THSD7B: variants seen among roughly 807,000 people sequenced by gnomAD.
The protein encoded by THSD7B is thrombospondin type-1 domain-containing protein 7B.
THSD7B carries 138 observed loss-of-function variants against 213.6 expected under a neutral mutation model. The observed-to-expected ratio is 0.65, with a 90% CI of 0.56 to 0.74. The LOEUF (loss-of-function observed/expected upper bound fraction) is 0.74. Ranked by LOEUF, THSD7B falls within the 30% of genes least tolerant of loss-of-function variation. The pLI is 0.00. For missense variants in THSD7B, 1,931 were observed against 1,991.5 expected (o/e 0.97, Z 0.58); for synonymous variants, 742 against 687.0 (o/e 1.08, Z -1.25).
intron 2 of THSD7B, among the ~76,000 whole-genome samples, chr2:136,934,697 A>G (rs1684691069): frequency 6.6e-6 from 1 of 152,182 alleles, no homozygotes; most frequent in African/African-American, 2.4e-5. Flanking sequence ...AAAATTTATT[A>G]CAAAAAGAAG....
chr2:137,646,001 A>C (rs919286066), intron 21 of THSD7B, among the ~76,000 whole-genome samples: 1 of 152,054 alleles, frequency 6.6e-6, no homozygotes, highest in Non-Finnish European at 1.5e-5. Flanking sequence ...CTTTTCTCCA[A>C]AAAAAATGCA....
Position 136,807,119 on chromosome 2 carries a change from T to C in THSD7B, c.-36+41432T>C, listed in dbSNP as rs190408136. Among the ~76,000 whole-genome samples, 65 of 152,290 alleles carry C rather than the reference T, an allele frequency of 4.3e-4. No individual in the cohort carries two copies. In the East Asian group the frequency reaches 9.3e-3, roughly 22 times the overall value. Reference sequence around the variant, plus strand: ...AGGGTAGTGCTGGGAGGCTTCTTCATTGCACAGTTACTTTTTTATTTCCCC... The same window carrying C: ...AGGGTAGTGCTGGGAGGCTTCTTCACTGCACAGTTACTTTTTTATTTCCCC... On this transcript the variant is annotated intron_variant, in intron 1 of 27. Coordinates refer to ENST00000409968, the MANE Select transcript of THSD7B (RefSeq NM_001316349.2).
At chr2:137,518,598 G>A (rs1442118455) in intron 15 of THSD7B, among the ~76,000 whole-genome samples, 1 of 152,154 alleles carries the variant, frequency 6.6e-6, no homozygotes, top group African/African-American at 2.4e-5. Flanking sequence ...GCTCACCAAC[G>A]GGTGACCTCA....
chr2:136,875,289 G>A (rs1489939151), intron 1 of THSD7B, among the ~76,000 whole-genome samples: 1 of 152,176 alleles, frequency 6.6e-6, no homozygotes, highest in Non-Finnish European at 1.5e-5. Context: ...AGACATGGTG[G>A]TGGGCACCTG....
chr2:137,154,327 T>C (rs1381421656), intron 5 of THSD7B, among the ~76,000 whole-genome samples: 1 of 152,130 alleles, frequency 6.6e-6, no homozygotes, highest in African/African-American at 2.4e-5. Flanking sequence ...CATTATGCCT[T>C]GCCAGCATTA....
chr2:137,196,089 G>C (rs1251346014), intron 7 of THSD7B, among the ~76,000 whole-genome samples: 1 of 152,216 alleles, frequency 6.6e-6, no homozygotes, highest in African/African-American at 2.4e-5. Context: ...GGGTGAAAAA[G>C]TGTGAAGGGC....
chr2:137,663,643 A>C, intron 26 of THSD7B, 68 bp downstream of exon 26: 13 of 1,367,246 alleles, frequency 9.5e-6, no homozygotes, highest in Non-Finnish European at 1.2e-5. Context: ...ACCACTTCTC[A>C]TGATGGAAAG....
rs889036877 is a variant in THSD7B, at chr2:137,394,928, T to C, written c.2501-10685T>C. Among the ~76,000 whole-genome samples the C allele has an allele frequency of 9.7e-3, 1,426 of 147,254 alleles. 69 individuals carry two copies. The highest frequency in any genetic ancestry group is 0.035 in the African/African-American group (1,357 of 38,306). On this transcript the variant is annotated intron_variant, in intron 12 of 27. Transcript: ENST00000409968. ...TATTTTATTCTCTTTGAAGCAATTG[T>C]GAATGGCAGTTCACTCATGATTTGG...
At chr2:136,842,772 C>T (rs1682938622) in intron 1 of THSD7B, among the ~76,000 whole-genome samples, 1 of 152,172 alleles carries the variant, frequency 6.6e-6, no homozygotes, top group Non-Finnish European at 1.5e-5. Flanking sequence ...GATTCCTGAA[C>T]CCATTACTTC....
intron 4 of THSD7B, among the ~76,000 whole-genome samples, chr2:137,106,218 A>G (rs1428662010): frequency 6.6e-6 from 1 of 152,200 alleles, no homozygotes; most frequent in Non-Finnish European, 1.5e-5. Context: ...ATGGAGCAGA[A>G]CACAGACCTC....
intron 7 of THSD7B, among the ~76,000 whole-genome samples, chr2:137,195,625 G>C (rs898871727): frequency 2.6e-5 from 4 of 151,634 alleles, no homozygotes; most frequent in Admixed American, 6.6e-5. Flanking sequence ...ATTAAATAAA[G>C]TATAAATCTG....
At chr2:137,628,708 C>T (rs1001221220) in intron 20 of THSD7B, among the ~76,000 whole-genome samples, 7 of 152,142 alleles carry the variant, frequency 4.6e-5, no homozygotes, top group Admixed American at 3.9e-4. Flanking sequence ...TAAAGGAGAG[C>T]ATGGAAAAGG....
intron 2 of THSD7B, among the ~76,000 whole-genome samples, chr2:136,963,942 C>T (rs1685273279): frequency 6.6e-6 from 1 of 152,172 alleles, no homozygotes; most frequent in African/African-American, 2.4e-5. Context: ...CTATATGTGA[C>T]AGTGTGCTAT....
intron 12 of THSD7B, among the ~76,000 whole-genome samples, chr2:137,284,395 T>C (rs189463262): frequency 2.6e-5 from 4 of 152,132 alleles, no homozygotes; most frequent in Admixed American, 1.3e-4. Flanking sequence ...GTGTCTCTAT[T>C]TCCTTCAGTT....
intron 27 of THSD7B, among the ~76,000 whole-genome samples, chr2:137,673,664 C>T (rs1683630167): frequency 6.6e-6 from 1 of 152,164 alleles, no homozygotes; most frequent in Non-Finnish European, 1.5e-5. Flanking sequence ...TCAGTGTTGG[C>T]CTTGCTGAGT....
intron 16 of THSD7B, among the ~76,000 whole-genome samples, chr2:137,563,804 A>G (rs1371018259): frequency 6.6e-6 from 1 of 152,192 alleles, no homozygotes; most frequent in Non-Finnish European, 1.5e-5. Context: ...GTCTGAGAAT[A>G]CCTATGAACA....
At chr2:137,076,840 T>C (rs1687635979) in intron 3 of THSD7B, among the ~76,000 whole-genome samples, 1 of 152,148 alleles carries the variant, frequency 6.6e-6, no homozygotes, top group South Asian at 2.1e-4. Flanking sequence ...CTTTTTTTAT[T>C]ATAGTTTAAG....
At chr2:137,109,397 G>T (rs950403220) in intron 4 of THSD7B, among the ~76,000 whole-genome samples, 2 of 152,138 alleles carry the variant, frequency 1.3e-5, no homozygotes, top group Non-Finnish European at 1.5e-5. Flanking sequence ...TGGAAAGGGG[G>T]ATGGTTTCAG....
Position 137,617,297 on chromosome 2 carries a change from T to C in THSD7B, c.3565+981T>C, listed in dbSNP as rs551035253. 4.6e-5 allele frequency among the ~76,000 whole-genome samples: 7 copies of C among 152,338 alleles called. No homozygotes were observed. In the South Asian group the frequency reaches 1.4e-3, roughly 32 times the overall value. On this transcript the variant is annotated intron_variant, in intron 18 of 27. Transcript: ENST00000409968. ...TTGCTATTCTATTCCTATTAAACTA[T>C]TAGATCATCTACCAATATGGAAAAT... is the stretch of plus-strand genomic sequence containing the variant.
Sources: gnomAD v4.1 joint callset for allele counts (sites outside exome capture counted in the v4.1 genomes callset) on GRCh38, gnomAD v4.1.1 for gene constraint, MANE v1.5 for transcripts, NCBI Gene and HGNC (gene_info 2026-07-23, HGNC 2026-07-21) for gene names.